IGF2BP2: variants seen among roughly 807,000 people sequenced by gnomAD.
IGF2BP2 encodes insulin-like growth factor 2 mRNA-binding protein 2.
A neutral mutation model predicts 75.8 loss-of-function variants in IGF2BP2; 17 were observed. The ratio of observed to expected loss-of-function variants is 0.22; its 90% CI spans 0.15 to 0.34. The LOEUF is 0.34. IGF2BP2 is among the 10% of genes least tolerant of loss of function. The pLI is 1.00. For missense variants in IGF2BP2, 516 were observed against 772.4 expected (o/e 0.67, Z 3.93); for synonymous variants, 288 against 295.6 (o/e 0.97, Z 0.26).
At position 185,689,337 on chromosome 3, in the gene IGF2BP2, A is replaced by AGT; in HGVS notation, c.677+17_677+18insAC. 1 of 1,608,122 alleles carries AGT rather than the reference A, an allele frequency of 6.2e-7. No homozygotes were observed. Among genetic ancestry groups the AGT allele is most frequent in the Non-Finnish European group, 8.5e-7 (1 of 1,178,060 alleles). ...GGACCCCTCAGAAGGAAGCAAAGGA[A>AGT]GCCCCACAGGCACGTACCGGGACTG... is the stretch of plus-strand genomic sequence containing the variant. On this transcript the variant is annotated intron_variant, in intron 6 of 15. Coordinates refer to ENST00000382199, the MANE Select transcript of IGF2BP2 (RefSeq NM_006548.6).
intron 2 of IGF2BP2, 62 bp downstream of exon 2, chr3:185,823,091 G>T: frequency 3.6e-6 from 4 of 1,106,272 alleles, no homozygotes; most frequent in African/African-American, 1.6e-5. Flanking sequence ...AAAGCTGTGT[G>T]TACGTTTTTT....
intron 6 of IGF2BP2, among the ~76,000 whole-genome samples, chr3:185,688,866 C>T (rs1031810446): frequency 1.3e-5 from 2 of 152,212 alleles, no homozygotes; most frequent in African/African-American, 2.4e-5. Context: ...ACAATCAGTT[C>T]AGTCTCCTTG....
In IGF2BP2 at chr3:185,752,731, G is replaced by C. The variant is rs576791834; in HGVS notation, c.240-54384C>G. Among the ~76,000 whole-genome samples the C allele has an allele frequency of 2.0e-5, 3 of 152,104 alleles. No individual in the cohort carries two copies. The South Asian group carries it at 6.2e-4, about 32-fold the overall frequency. On this transcript the variant is annotated intron_variant, in intron 2 of 15. Coordinates refer to ENST00000382199, the MANE Select transcript of IGF2BP2 (RefSeq NM_006548.6). Reference sequence around the variant, plus strand: ...CAGCCCTCAGCCTCCTGAGTAGCTGGTATTACATGTGTGTGCCACCACACC... The same window carrying C: ...CAGCCCTCAGCCTCCTGAGTAGCTGCTATTACATGTGTGTGCCACCACACC...
At chr3:185,657,218 A>C (rs1715588233) in intron 12 of IGF2BP2, 68 bp downstream of exon 12, 2 of 1,056,342 alleles carry the variant, frequency 1.9e-6, no homozygotes, top group African/African-American at 3.1e-5. Flanking sequence ...TGGGACTGAG[A>C]GGGAACAAGG....
intron 2 of IGF2BP2, among the ~76,000 whole-genome samples, chr3:185,813,159 A>T (rs1470368088): frequency 6.6e-6 from 1 of 152,152 alleles, no homozygotes; most frequent in Non-Finnish European, 1.5e-5. Context: ...ACAAATCTAA[A>T]TCTCTGTCTT....
chr3:185,793,859 CCCTG>C (rs1208920258), intron 2 of IGF2BP2, among the ~76,000 whole-genome samples: 1 of 151,926 alleles, frequency 6.6e-6, no homozygotes, highest in Non-Finnish European at 1.5e-5. Flanking sequence ...GGAGTTTTGG[CCCTG>C]CCTGGGGAGC....
chr3:185,700,828 A>G (rs548314877), intron 2 of IGF2BP2, among the ~76,000 whole-genome samples: 6 of 152,320 alleles, frequency 3.9e-5, no homozygotes, highest in African/African-American at 1.2e-4. Context: ...AGATGAATAC[A>G]TATATCATAA....
At chr3:185,677,068 T>TATATATATATATATATAGAGAGAGAG in intron 7 of IGF2BP2, among the ~76,000 whole-genome samples, 18 of 35,848 alleles carry the variant, frequency 5.0e-4, no homozygotes, top group South Asian at 1.1e-3. Context: ...TATATATATA[T>TATATATATATATATATAGAGAGAGAG]AGAGAGAGAG....
intron 2 of IGF2BP2, among the ~76,000 whole-genome samples, chr3:185,728,013 C>A (rs1449340122): frequency 6.6e-6 from 1 of 152,178 alleles, no homozygotes; most frequent in East Asian, 1.9e-4. Flanking sequence ...ATGAGATTTA[C>A]TATAATGCCC....
intron 2 of IGF2BP2, chr3:185,717,699 T>G (rs977738548): frequency 1.3e-5 from 2 of 152,116 alleles, no homozygotes; most frequent in African/African-American, 4.8e-5. Context: ...CAAAATTAAT[T>G]GTCTAAGGGG....
At chr3:185,811,895 G>T (rs1231282232) in intron 2 of IGF2BP2, among the ~76,000 whole-genome samples, 2 of 141,040 alleles carry the variant, frequency 1.4e-5, no homozygotes, top group East Asian at 4.1e-4. Flanking sequence ...TCCCTGCCTG[G>T]GCATCAGAAC....
At chr3:185,654,027 T>A (rs1340894670) in intron 12 of IGF2BP2, among the ~76,000 whole-genome samples, 6 of 152,200 alleles carry the variant, frequency 3.9e-5, no homozygotes, top group African/African-American at 1.4e-4. Context: ...TCCATGGGCC[T>A]CAGGATCCAG....
At chr3:185,781,208 T>TA (rs1389796833) in intron 2 of IGF2BP2, among the ~76,000 whole-genome samples, 5 of 151,542 alleles carry the variant, frequency 3.3e-5, no homozygotes, top group African/African-American at 9.7e-5. Context: ...TTCTGCATTT[T>TA]TAAAAAAATT....
chr3:185,709,745 C>T (rs528084134), intron 2 of IGF2BP2, among the ~76,000 whole-genome samples: 1 of 152,306 alleles, frequency 6.6e-6, no homozygotes, highest in East Asian at 1.9e-4. Flanking sequence ...TTGCTCCTCC[C>T]TCAAAGAGGA....
chr3:185,706,458 G>A (rs551377294), intron 2 of IGF2BP2, among the ~76,000 whole-genome samples: 8 of 152,210 alleles, frequency 5.3e-5, no homozygotes, highest in Admixed American at 1.3e-4. Flanking sequence ...GTGAGTCAAC[G>A]GATCATTAGA....
At chr3:185,797,672 T>C (rs1260510396) in intron 2 of IGF2BP2, among the ~76,000 whole-genome samples, 1 of 151,316 alleles carries the variant, frequency 6.6e-6, no homozygotes. Context: ...GGGAGGCCAA[T>C]GCAGGCGGAT....
At chr3:185,737,971 T>C (rs1178864947) in intron 2 of IGF2BP2, among the ~76,000 whole-genome samples, 1 of 152,224 alleles carries the variant, frequency 6.6e-6, no homozygotes, top group East Asian at 1.9e-4. Context: ...AGGCCTCAAA[T>C]TTCCAAATAG....
At chr3:185,796,981 C>T (rs1369838326) in intron 2 of IGF2BP2, among the ~76,000 whole-genome samples, 2 of 152,112 alleles carry the variant, frequency 1.3e-5, no homozygotes, top group African/African-American at 4.8e-5. Context: ...CAACACACTC[C>T]AAACCCCATC....
rs528084524 is a variant in IGF2BP2, at chr3:185,649,461, G to A, written c.1535C>T (p.Ala512Val). ...TGTGGAAGAGGGCACTCTGATATGC[G>A]CTTCCAGCTTCACTTCTTCTTTGGG... ...FNPKEEVKLEAHIRVPSSTAG... is the reference protein window; with the variant it reads ...FNPKEEVKLEVHIRVPSSTAG... Residue 512 changes from alanine (A) to valine (V), a missense_variant, in exon 14 of 16, where the codon GCG becomes GTG. Around this residue, in one of 3 missense-constraint regions of IGF2BP2, gnomAD observed 129 missense variants for 230.5 expected, o/e 0.56. Coordinates refer to ENST00000382199, the MANE Select transcript of IGF2BP2 (RefSeq NM_006548.6). 3.5e-5 allele frequency: 57 copies of A among 1,614,072 alleles called. No homozygotes were observed. Among genetic ancestry groups the A allele is most frequent in the Admixed American group, 1.5e-4 (9 of 60,014 alleles).
Sources: gnomAD v4.1 joint callset for allele counts (sites outside exome capture counted in the v4.1 genomes callset) on GRCh38, gnomAD v4.1.1 for gene constraint, gnomAD v4.1.1 regional missense constraint, MANE v1.5 for transcripts, NCBI Gene and HGNC (gene_info 2026-07-23, HGNC 2026-07-21) for gene names.